KIF2A: variants seen among roughly 807,000 people sequenced by gnomAD.
KIF2A encodes kinesin-like protein KIF2A.
Under a neutral mutation model 100.2 loss-of-function variants are expected in KIF2A, and 22 were observed. That is an observed-to-expected ratio of 0.22 (90% CI 0.16 to 0.31). The LOEUF is 0.31. KIF2A is among the 10% of genes least tolerant of loss of function. The pLI is 1.00. For missense variants in KIF2A, 495 were observed against 898.7 expected, an observed-to-expected ratio of 0.55 and a Z score of 5.74; for synonymous variants, 268 against 285.9, an observed-to-expected ratio of 0.94 and a Z score of 0.63.
intron 11 of KIF2A, 38 bp from the exon 12 acceptor site, chr5:62,362,412 G>A: frequency 1.0e-6 from 1 of 992,226 alleles, no homozygotes; most frequent in South Asian, 2.3e-5. Flanking sequence ...AAAAATATTT[G>A]TTGGATCTCA....
At chr5:62,314,569 C>T (rs1266523209) in intron 1 of KIF2A, among the ~76,000 whole-genome samples, 1 of 152,028 alleles carries the variant, frequency 6.6e-6, no homozygotes, top group Non-Finnish European at 1.5e-5. Flanking sequence ...CACATTATGG[C>T]CCGGGAACTG....
chr5:62,380,969 TTA>T, intron 19 of KIF2A, 147 bp from the exon 20 acceptor site: 2 of 635,920 alleles, frequency 3.1e-6, no homozygotes, highest in Non-Finnish European at 5.4e-6. Context: ...TATTTCTTAA[TTA>T]TACTGTCTGT....
intron 19 of KIF2A, among the ~76,000 whole-genome samples, chr5:62,379,010 A>G (rs1413270126): frequency 6.6e-6 from 1 of 151,748 alleles, no homozygotes; most frequent in Non-Finnish European, 1.5e-5. Context: ...TAAGAAAATT[A>G]CACACCTGTA....
chr5:62,384,674 A>G (rs1741932268), intron 20 of KIF2A, among the ~76,000 whole-genome samples: 1 of 152,248 alleles, frequency 6.6e-6, no homozygotes, highest in African/African-American at 2.4e-5. Flanking sequence ...CAATTTACTA[A>G]CCTATTTCTA....
chr5:62,338,263 T>G (rs1271038747), intron 1 of KIF2A, among the ~76,000 whole-genome samples: 1 of 152,124 alleles, frequency 6.6e-6, no homozygotes, highest in Non-Finnish European at 1.5e-5. Context: ...TGCCAACGGA[T>G]TAAGGTCCCA....
rs984990486 is a variant in KIF2A, at chr5:62,338,605, G to T, written c.65-8525G>T. 9.2e-5 allele frequency among the ~76,000 whole-genome samples: 14 copies of T among 151,922 alleles called. 1 individual carries two copies. Among genetic ancestry groups the T allele is most frequent in the African/African-American group, 3.1e-4 (13 of 41,348 alleles). On this transcript the variant is annotated intron_variant, in intron 1 of 20. Coordinates refer to ENST00000407818, the MANE Select transcript of KIF2A (RefSeq NM_001098511.3). ...ACATCTGGCTTATAAAACTTTAAAA[G>T]AAAATGTAAGAGACTGTTTTAGGGA... is the stretch of plus-strand genomic sequence containing the variant.
intron 16 of KIF2A, among the ~76,000 whole-genome samples, chr5:62,369,358 C>T (rs1231478452): frequency 6.6e-6 from 1 of 152,120 alleles, no homozygotes; most frequent in Non-Finnish European, 1.5e-5. Context: ...GGCACCTTCA[C>T]CAGGCAGCAG....
intron 14 of KIF2A, among the ~76,000 whole-genome samples, chr5:62,364,407 A>C (rs939163636): frequency 1.3e-5 from 2 of 152,116 alleles, no homozygotes; most frequent in African/African-American, 2.4e-5. Flanking sequence ...CAGCCTTCCA[A>C]AGTGCTGGGA....
At position 62,388,674 on chromosome 5, in the gene KIF2A, G is replaced by A. The variant is rs1183218110; in HGVS notation, c.*3105G>A. 1 of 214,122 alleles carries A rather than the reference G, an allele frequency of 4.7e-6. No homozygotes were observed. Among genetic ancestry groups the A allele is most frequent in the African/African-American group, 2.3e-5 (1 of 43,156 alleles). The allele number at this position is 214,122 out of a possible 1,614,324, so 13.3% of individuals were successfully genotyped here. Reference sequence around the variant, plus strand: ...GGAGGAACAGAGCTAAAGGCCTAAAGAAGGCCTTACAGTATATAACAGTAA... The same window carrying A: ...GGAGGAACAGAGCTAAAGGCCTAAAAAAGGCCTTACAGTATATAACAGTAA... On this transcript the variant is annotated 3_prime_UTR_variant, in exon 21 of 21. Coordinates refer to ENST00000407818, the MANE Select transcript of KIF2A (RefSeq NM_001098511.3).
intron 5 of KIF2A, 102 bp from the exon 6 acceptor site, chr5:62,353,173 G>C: frequency 3.4e-6 from 2 of 582,434 alleles, no homozygotes; most frequent in Non-Finnish European, 5.9e-6. Flanking sequence ...TTGTCACTGT[G>C]TACCTTTTAT....
Position 62,372,303 on chromosome 5 carries a change from T to A in KIF2A, c.1647-135T>A, listed in dbSNP as rs988909007. 8.0e-6 allele frequency: 5 copies of A among 621,740 alleles called. No homozygotes were observed. The East Asian group carries it at 1.4e-4, about 18-fold the overall frequency. 38.5% of individuals were successfully genotyped at this position (621,740 alleles called of 1,614,324 possible). Reference sequence around the variant, plus strand: ...TTAAAATTTGTTATTTGTAAAATAATATTCTAAATACATTGTCACAACAAT... The same window carrying A: ...TTAAAATTTGTTATTTGTAAAATAAAATTCTAAATACATTGTCACAACAAT... On this transcript the variant is annotated intron_variant, in intron 16 of 20. Coordinates refer to ENST00000407818, the MANE Select transcript of KIF2A (RefSeq NM_001098511.3).
Position 62,359,359 on chromosome 5 carries a change from A to C in KIF2A, c.872+1060A>C, listed in dbSNP as rs190844711. 1.2e-3 allele frequency among the ~76,000 whole-genome samples: 181 copies of C among 152,288 alleles called. 4 individuals are homozygous for C. In the East Asian group the frequency reaches 0.032, roughly 27 times the overall value. ...CATAAAAATGCCTAGAAAGGAAAAAATTAGAGTTAATGAGACTAAGAATTG... is the reference window on the plus strand; with the variant it reads ...CATAAAAATGCCTAGAAAGGAAAAACTTAGAGTTAATGAGACTAAGAATTG... On this transcript the variant is annotated intron_variant, in intron 9 of 20. Coordinates refer to ENST00000407818, the MANE Select transcript of KIF2A (RefSeq NM_001098511.3).
chr5:62,348,372 G>A (rs955223691), intron 3 of KIF2A, among the ~76,000 whole-genome samples: 3 of 152,078 alleles, frequency 2.0e-5, no homozygotes, highest in Non-Finnish European at 4.4e-5. Context: ...GTTGGATAAG[G>A]TCTTAGAAAT....
At chr5:62,339,544 T>TTTTTTTTTTTTTTTTTTGCGACG (rs1554040422) in intron 1 of KIF2A, among the ~76,000 whole-genome samples, 1 of 147,698 alleles carries the variant, frequency 6.8e-6, no homozygotes, top group African/African-American at 2.5e-5. Context: ...TCTCTTATTA[T>TTTTTTTTTTTTTTTTTTGCGACG]GTATCTTAGA....
At chr5:62,312,958 G>C (rs1026090411) in intron 1 of KIF2A, among the ~76,000 whole-genome samples, 2 of 152,138 alleles carry the variant, frequency 1.3e-5, no homozygotes, top group African/African-American at 4.8e-5. Context: ...TGATATTTTG[G>C]AGTATAGACC....
At chr5:62,306,699 C>T (rs1745297998) in intron 1 of KIF2A, among the ~76,000 whole-genome samples, 163 bp downstream of exon 1, 1 of 152,078 alleles carries the variant, frequency 6.6e-6, no homozygotes, top group Non-Finnish European at 1.5e-5. Context: ...CCAGTGAGGC[C>T]GGCTTGGGGT....
intron 16 of KIF2A, among the ~76,000 whole-genome samples, chr5:62,370,129 G>T (rs1048236811): frequency 6.6e-6 from 1 of 152,142 alleles, no homozygotes; most frequent in Non-Finnish European, 1.5e-5. Context: ...AAAAAATTCG[G>T]TTAGACAGAT....
At chr5:62,351,500 A>T (rs904277467) in intron 4 of KIF2A, among the ~76,000 whole-genome samples, 1 of 152,046 alleles carries the variant, frequency 6.6e-6, no homozygotes, top group African/African-American at 2.4e-5. Context: ...TTTATTTTCT[A>T]TTGTTAAGTA....
rs1276286033 is a variant in KIF2A, at chr5:62,385,819, T to C, written c.*250T>C. The C allele has an allele frequency of 1.1e-5, 5 of 452,680 alleles. No homozygotes were observed. The highest frequency in any genetic ancestry group is 2.0e-5 in the African/African-American group (1 of 50,988). 28.0% of individuals were successfully genotyped at this position (452,680 alleles called of 1,614,324 possible). A position where few individuals can be genotyped will look rare whatever the true frequency, so the allele number is the denominator to read the frequency against. ...ATTTACACAAATAGTGATTTACTTT[T>C]GGAGATCCTTGTCAGTTTTATTTTC... is the stretch of plus-strand genomic sequence containing the variant. On this transcript the variant is annotated 3_prime_UTR_variant, in exon 21 of 21. Coordinates refer to ENST00000407818, the MANE Select transcript of KIF2A (RefSeq NM_001098511.3).
Sources: allele counts gnomAD v4.1 joint callset (sites outside exome capture counted in the v4.1 genomes callset), GRCh38; gene constraint gnomAD v4.1.1; transcripts MANE v1.5; gene names NCBI Gene and HGNC (gene_info 2026-07-23, HGNC 2026-07-21).